The following DIAPH2 variants were observed in gnomAD, a reference collection of about 807,000 sequenced individuals.
DIAPH2 encodes the protein protein diaphanous homolog 2.
In DIAPH2, 35 loss-of-function variants were observed where a neutral mutation model predicts 92.7. The ratio of observed to expected loss-of-function variants is 0.38; its 90% confidence interval spans 0.29 to 0.50. DIAPH2 has a LOEUF of 0.50. Ranked by LOEUF, DIAPH2 falls within the 20% of genes least tolerant of loss-of-function variation. The pLI, the probability that DIAPH2 is intolerant of heterozygous loss-of-function variation, is 0.94. For synonymous variants in DIAPH2, 301 were observed against 280.4 expected (o/e 1.07, Z -0.73); for missense variants, 701 against 819.5 (o/e 0.86, Z 1.77).
At chrX:96,761,219 T>C (rs759208982) in intron 4 of DIAPH2, among the ~76,000 whole-genome samples, 2 of 111,486 alleles carry the variant, frequency 1.8e-5, no homozygotes, top group South Asian at 7.5e-4. Flanking sequence ...GTTTGTCAAA[T>C]GCCAGTGTCA....
intron 26 of DIAPH2, among the ~76,000 whole-genome samples, chrX:97,491,527 C>T (rs771093289): frequency 9.0e-6 from 1 of 111,121 alleles, no homozygotes; most frequent in Admixed American, 9.6e-5. Flanking sequence ...TCTCCTGTCT[C>T]AGCCTCCCAA....
intron 17 of DIAPH2, among the ~76,000 whole-genome samples, chrX:97,023,186 T>C (rs1388650661): frequency 1.9e-5 from 2 of 105,214 alleles, no homozygotes; most frequent in South Asian, 7.3e-4. Context: ...TCATTGGAAA[T>C]AATGCAGATT....
At chrX:96,925,268 T>G (rs1318564555) in intron 9 of DIAPH2, among the ~76,000 whole-genome samples, 6 of 110,865 alleles carry the variant, frequency 5.4e-5, no homozygotes, top group Non-Finnish European at 9.5e-5. Flanking sequence ...TCCTTCTCCC[T>G]ACTCTAATCC....
At chrX:96,733,615 C>T (rs1388032300) in intron 1 of DIAPH2, among the ~76,000 whole-genome samples, 1 of 111,645 alleles carries the variant, frequency 9.0e-6, no homozygotes, top group Non-Finnish European at 1.9e-5. Context: ...AGTGACATGA[C>T]GTGACTTCAG....
At chrX:97,421,685 A>G (rs2147770210) in intron 25 of DIAPH2, among the ~76,000 whole-genome samples, 1 of 111,949 alleles carries the variant, frequency 8.9e-6, no homozygotes, top group Admixed American at 9.5e-5. Flanking sequence ...TTTGTCATAT[A>G]ATTGATTTCT....
chrX:96,905,771 G>A (rs1009357970), intron 5 of DIAPH2, among the ~76,000 whole-genome samples: 2 of 111,895 alleles, frequency 1.8e-5, no homozygotes, highest in African/African-American at 6.5e-5. Context: ...ATTCTGATGT[G>A]AATTGGCCAG....
At position 97,198,251 on chromosome X, in the gene DIAPH2, C is replaced by T. The variant is rs931578724; in HGVS notation, c.2720-49464C>T. Among the ~76,000 whole-genome samples the T allele has an allele frequency of 1.1e-4, 9 of 80,604 alleles. No homozygotes were observed. The Admixed American group carries it at 1.3e-3, about 12-fold the overall frequency. The allele number at this position is 80,604 out of a possible 115,157, so 70.0% of individuals were successfully genotyped here. On this transcript the variant is annotated intron_variant, in intron 22 of 26. Transcript: ENST00000324765. ...TGGTCAAATCAGTGAGGTATACTAA[C>T]AACAACAACAAAATACACACACACA...
intron 23 of DIAPH2, among the ~76,000 whole-genome samples, chrX:97,336,348 C>T (rs1207164916): frequency 9.3e-6 from 1 of 107,099 alleles, no homozygotes; most frequent in Non-Finnish European, 1.9e-5. Flanking sequence ...GGGTTCACGC[C>T]GGTTCTCCTG....
intron 17 of DIAPH2, among the ~76,000 whole-genome samples, chrX:97,071,033 A>G (rs891120494): frequency 1.5e-4 from 17 of 111,687 alleles, no homozygotes; most frequent in African/African-American, 4.9e-4. Flanking sequence ...TTAGTCTCCC[A>G]TAGTGAATTT....
intron 26 of DIAPH2, chrX:97,449,699 G>C: frequency 1.3e-6 from 1 of 745,408 alleles, no homozygotes; most frequent in Non-Finnish European, 1.6e-6. Context: ...CAGACGACAA[G>C]CAAGGAGTGA....
intron 22 of DIAPH2, among the ~76,000 whole-genome samples, chrX:97,157,692 A>G (rs1197651971): frequency 9.0e-6 from 1 of 111,439 alleles, no homozygotes; most frequent in East Asian, 2.8e-4. Flanking sequence ...CTTGCGCAAG[A>G]TCCAAGAACC....
At chrX:96,786,442 A>G (rs1047253833) in intron 4 of DIAPH2, among the ~76,000 whole-genome samples, 4 of 112,074 alleles carry the variant, frequency 3.6e-5, no homozygotes, top group Admixed American at 9.5e-5. Context: ...CAACAGTATA[A>G]AAACTGATAA....
intron 5 of DIAPH2, among the ~76,000 whole-genome samples, chrX:96,887,983 A>G (rs865793932): frequency 1.1e-4 from 12 of 107,565 alleles, no homozygotes; most frequent in African/African-American, 4.1e-4. Context: ...GTGTGTGTGT[A>G]TGTGTGTGTG....
chrX:97,003,340 A>C (rs111355804), intron 17 of DIAPH2, among the ~76,000 whole-genome samples: 5 of 111,792 alleles, frequency 4.5e-5, no homozygotes, highest in Admixed American at 9.5e-5. Context: ...GCTGGATCAT[A>C]TGGTAGCTCA....
intron 22 of DIAPH2, among the ~76,000 whole-genome samples, chrX:97,235,620 A>G (rs1026231335): frequency 1.8e-4 from 20 of 108,871 alleles, no homozygotes; most frequent in Admixed American, 3.9e-4. Context: ...AAAAAAAAAA[A>G]AAAGAAAGAA....
At chrX:96,874,639 T>C (rs766600113) in intron 4 of DIAPH2, among the ~76,000 whole-genome samples, 2 of 112,215 alleles carry the variant, frequency 1.8e-5, no homozygotes, top group Admixed American at 1.9e-4. Flanking sequence ...CAATTGTCCG[T>C]ATCTCTGAGA....
intron 10 of DIAPH2, among the ~76,000 whole-genome samples, chrX:96,931,090 AGGGAC>A (rs1386588417): frequency 1.8e-5 from 2 of 111,811 alleles, no homozygotes; most frequent in Non-Finnish European, 3.8e-5. Context: ...TCAAGTCAAA[AGGGAC>A]TTCTTTTCTT....
rs141166783 is a variant in DIAPH2, at chrX:97,482,533, A to G, written c.3241+52788A>G. ...AAGATTTGATACAATGCAGCTGCCA[A>G]CAGCAGGGGGGAGAATTTGGCCAAA... On this transcript the variant is annotated intron_variant, in intron 26 of 26. Coordinates refer to ENST00000324765, the MANE Select transcript of DIAPH2 (RefSeq NM_006729.5). Among the ~76,000 whole-genome samples, 632 of 111,837 alleles carry G rather than the reference A, an allele frequency of 5.7e-3. 2 individuals carry two copies. The highest frequency in any genetic ancestry group is 0.019 in the African/African-American group (599 of 30,782).
intron 1 of DIAPH2, among the ~76,000 whole-genome samples, chrX:96,714,562 C>T (rs2063938943): frequency 1.8e-5 from 2 of 111,632 alleles, no homozygotes; most frequent in South Asian, 7.3e-4. Context: ...TCGCGCCTGG[C>T]CTGTGTGTAA....
Sources: gnomAD v4.1 joint callset for allele counts (sites outside exome capture counted in the v4.1 genomes callset) on GRCh38, gnomAD v4.1.1 for gene constraint, MANE v1.5 for transcripts, NCBI Gene and HGNC (gene_info 2026-07-23, HGNC 2026-07-21) for gene names.